CNTN5: variants seen among roughly 807,000 people sequenced by gnomAD.
The protein encoded by CNTN5 is contactin-5.
A neutral mutation model predicts 129.1 loss-of-function variants in CNTN5; 77 were observed. The ratio of observed to expected loss-of-function variants is 0.60; its 90% CI spans 0.50 to 0.72. The LOEUF (loss-of-function observed/expected upper bound fraction) is 0.72. Among genes scored for constraint, CNTN5 ranks in the 30% least tolerant of loss-of-function variants. CNTN5 has a pLI of 0.00. For synonymous variants in CNTN5, 509 were observed against 465.6 expected (o/e 1.09, Z -1.20); for missense variants, 1,478 against 1,328.8 (o/e 1.11, Z -1.75).
intron 1 of CNTN5, among the ~76,000 whole-genome samples, chr11:99,125,994 A>G (rs909627255): frequency 1.3e-4 from 20 of 152,130 alleles, no homozygotes; most frequent in Non-Finnish European, 2.8e-4. Flanking sequence ...TGCCCTTCTT[A>G]TACAGGTTAG....
At chr11:99,813,927 G>A (rs1329646609) in intron 3 of CNTN5, among the ~76,000 whole-genome samples, 1 of 152,090 alleles carries the variant, frequency 6.6e-6, no homozygotes. Flanking sequence ...AAGTTCAAGG[G>A]AAGAAGGGGG....
At chr11:99,457,233 G>A (rs1944529187) in intron 2 of CNTN5, among the ~76,000 whole-genome samples, 1 of 151,808 alleles carries the variant, frequency 6.6e-6, no homozygotes, top group South Asian at 2.1e-4. Flanking sequence ...CAGTTAGCTG[G>A]TGGACAAATA....
intron 3 of CNTN5, among the ~76,000 whole-genome samples, chr11:99,614,008 T>C (rs959201256): frequency 2.0e-5 from 3 of 152,214 alleles, no homozygotes; most frequent in African/African-American, 4.8e-5. Context: ...AACTCTGTTA[T>C]AGCTATATAG....
intron 3 of CNTN5, among the ~76,000 whole-genome samples, chr11:99,648,332 A>C (rs1251763843): frequency 6.6e-6 from 1 of 151,574 alleles, no homozygotes; most frequent in African/African-American, 2.4e-5. Flanking sequence ...AGCATTACTA[A>C]TGATCAGGTA....
intron 1 of CNTN5, among the ~76,000 whole-genome samples, chr11:99,201,322 CCCCT>C (rs1211283544): frequency 1.7e-5 from 1 of 58,622 alleles, no homozygotes; most frequent in African/African-American, 8.1e-5. Flanking sequence ...CTGCGCCTGG[CCCCT>C]TCCTTCCTTC....
intron 3 of CNTN5, among the ~76,000 whole-genome samples, chr11:99,619,260 AAT>A (rs1225490965): frequency 6.6e-6 from 1 of 152,030 alleles, no homozygotes; most frequent in Non-Finnish European, 1.5e-5. Context: ...ATTGGAGATC[AAT>A]AGAGCCTATA....
intron 1 of CNTN5, among the ~76,000 whole-genome samples, chr11:99,151,895 T>C (rs1477777436): frequency 2.0e-5 from 3 of 152,020 alleles, no homozygotes; most frequent in African/African-American, 7.2e-5. Context: ...AGGGGAGGGA[T>C]AGCATTAGGA....
chr11:100,316,335 G>T (rs1377063116), intron 21 of CNTN5, among the ~76,000 whole-genome samples: 1 of 152,112 alleles, frequency 6.6e-6, no homozygotes, highest in Non-Finnish European at 1.5e-5. Context: ...TGGGCAATGG[G>T]AATGTACATA....
intron 3 of CNTN5, among the ~76,000 whole-genome samples, chr11:99,663,746 T>G (rs1361042061): frequency 6.6e-5 from 10 of 152,152 alleles, no homozygotes; most frequent in Non-Finnish European, 1.5e-4. Flanking sequence ...ACGTGCCTGC[T>G]TCCCCTTCTG....
At chr11:99,879,063 G>A (rs566086366) in intron 6 of CNTN5, among the ~76,000 whole-genome samples, 160 of 151,890 alleles carry the variant, frequency 1.1e-3, no homozygotes, top group African/African-American at 3.6e-3. Context: ...TCAGCCTCCC[G>A]ATTAGCTGGG....
chr11:100,137,447 G>A (rs1946563627), intron 13 of CNTN5, among the ~76,000 whole-genome samples: 1 of 151,976 alleles, frequency 6.6e-6, no homozygotes. Flanking sequence ...ACTCTCATGG[G>A]GAAGAAAGCA....
chr11:99,081,378 C>T (rs1040044314), intron 1 of CNTN5, among the ~76,000 whole-genome samples: 11 of 152,250 alleles, frequency 7.2e-5, no homozygotes, highest in African/African-American at 2.4e-4. Flanking sequence ...GTGTAGAAAA[C>T]ATTTCTCAAT....
At position 99,712,715 on chromosome 11, in the gene CNTN5, A is replaced by G. The variant is rs151291712; in HGVS notation, c.56-106829A>G. ...TGCATATGGCTAGCCAGTTTCCCCA[A>G]TACTATTTATTAAATAGAGAATCCT... On this transcript the variant is annotated intron_variant, in intron 3 of 24. Coordinates refer to ENST00000524871, the MANE Select transcript of CNTN5 (RefSeq NM_014361.4). Among the ~76,000 whole-genome samples, 571 of 151,890 alleles carry G rather than the reference A, an allele frequency of 3.8e-3. 2 individuals carry two copies. The highest frequency in any genetic ancestry group is 0.013 in the African/African-American group (546 of 41,480).
chr11:99,286,301 C>G (rs554128347), intron 1 of CNTN5, among the ~76,000 whole-genome samples: 1 of 152,222 alleles, frequency 6.6e-6, no homozygotes, highest in African/African-American at 2.4e-5. Flanking sequence ...ATTCAGATTG[C>G]TGTTATCCCG....
intron 3 of CNTN5, among the ~76,000 whole-genome samples, chr11:99,711,467 T>C (rs571298611): frequency 1.7e-4 from 26 of 151,760 alleles, no homozygotes; most frequent in Admixed American, 1.4e-3. Flanking sequence ...TACTCTCTTA[T>C]ACATCGTTTG....
chr11:99,613,521 C>T (rs1220881402), intron 3 of CNTN5, among the ~76,000 whole-genome samples: 1 of 151,880 alleles, frequency 6.6e-6, no homozygotes, highest in African/African-American at 2.4e-5. Flanking sequence ...ATACAAAGGA[C>T]ATAGCAAAAA....
At chr11:99,580,186 G>C (rs1949523911) in intron 3 of CNTN5, among the ~76,000 whole-genome samples, 1 of 152,190 alleles carries the variant, frequency 6.6e-6, no homozygotes, top group South Asian at 2.1e-4. Context: ...AAGCCCACTT[G>C]ATCATGGTGG....
At chr11:100,335,201 A>G (rs1462797018) in intron 21 of CNTN5, among the ~76,000 whole-genome samples, 1 of 152,146 alleles carries the variant, frequency 6.6e-6, no homozygotes, top group Non-Finnish European at 1.5e-5. Context: ...TTGGACAAGC[A>G]AAGACAAAAT....
intron 13 of CNTN5, among the ~76,000 whole-genome samples, chr11:100,172,247 C>CTCA: frequency 6.6e-6 from 1 of 151,582 alleles, no homozygotes; most frequent in East Asian, 2.0e-4. Flanking sequence ...AGCCAGAGAT[C>CTCA]TCATCATGAA....
Sources: gnomAD v4.1 joint callset for allele counts (sites outside exome capture counted in the v4.1 genomes callset) on GRCh38, gnomAD v4.1.1 for gene constraint, MANE v1.5 for transcripts, NCBI Gene and HGNC (gene_info 2026-07-23, HGNC 2026-07-21) for gene names.